The following FXR1 variants were observed in gnomAD, a reference collection of about 807,000 sequenced individuals.
The protein encoded by FXR1 is FMR1 autosomal homolog 1, also known as RNA-binding protein FXR1.
In FXR1, 15 loss-of-function variants were observed where a neutral mutation model predicts 84.0. The observed-to-expected ratio is 0.18, with a 90% confidence interval of 0.12 to 0.27. The LOEUF is 0.27. FXR1 is among the 10% of genes least tolerant of loss of function. FXR1 has a pLI of 1.00. For missense variants in FXR1, 480 were observed against 774.4 expected, an observed-to-expected ratio of 0.62 and a Z score of 4.51; for synonymous variants, 245 against 250.7, an observed-to-expected ratio of 0.98 and a Z score of 0.21.
chr3:180,963,118 T>TTTTTTTGTCA, intron 13 of FXR1, 28 bp downstream of exon 13: 1 of 901,750 alleles, frequency 1.1e-6, no homozygotes, highest in Non-Finnish European at 1.8e-6. Flanking sequence ...TTTTTTTTTT[T>TTTTTTTGTCA]TGGTAATAGT....
chr3:180,922,320 A>G (rs560999503), intron 1 of FXR1, among the ~76,000 whole-genome samples: 91 of 152,208 alleles, frequency 6.0e-4, no homozygotes, highest in Non-Finnish European at 1.2e-3. Context: ...TATCTGGGCC[A>G]GAAGTTGGCT....
chr3:180,915,968 C>T (rs553705654), intron 1 of FXR1, among the ~76,000 whole-genome samples: 28 of 152,314 alleles, frequency 1.8e-4, no homozygotes, highest in Middle Eastern at 3.4e-3. Context: ...TTGATTTGTG[C>T]ATGTTCGTAG....
intron 5 of FXR1, 35 bp from the exon 6 acceptor site, chr3:180,948,686 A>T (rs1262008322): frequency 8.8e-7 from 1 of 1,137,704 alleles, no homozygotes; most frequent in Non-Finnish European, 1.3e-6. Flanking sequence ...TTAATCTGTT[A>T]TTGAGTTCTT....
At position 180,977,290 on chromosome 3, in the gene FXR1, G is replaced by T. The variant is rs1292871365; in HGVS notation, c.*998G>T. The T allele has an allele frequency of 6.6e-6, 1 of 152,346 alleles. No individual in the cohort carries two copies. Among genetic ancestry groups the T allele is most frequent in the Admixed American group, 6.6e-5 (1 of 15,244 alleles). The allele number at this position is 152,346 out of a possible 1,614,324, so 9.4% of individuals were successfully genotyped here. A position where few individuals can be genotyped will look rare whatever the true frequency, so the allele number is the denominator to read the frequency against. On this transcript the variant is annotated 3_prime_UTR_variant, in exon 17 of 17. Transcript: ENST00000357559. The stretch of plus-strand genomic sequence containing the variant: ...GCTCATAAATAGCATTAAAATGTCA[G>T]TTGGCCATTTAATCATTTTGTAATG...
chr3:180,943,318 A>G (rs1457403068), intron 3 of FXR1, among the ~76,000 whole-genome samples: 1 of 122,756 alleles, frequency 8.1e-6, no homozygotes, highest in Non-Finnish European at 1.6e-5. Context: ...TCTGTCATCC[A>G]GGCTGGAGGG....
chr3:180,957,717 G>T, intron 9 of FXR1, 102 bp from the exon 10 acceptor site: 1 of 595,626 alleles, frequency 1.7e-6, no homozygotes, highest in Non-Finnish European at 3.0e-6. Flanking sequence ...TTCACTTGAT[G>T]GTTGTAATTT....
intron 3 of FXR1, among the ~76,000 whole-genome samples, chr3:180,938,371 T>C (rs907691910): frequency 6.6e-6 from 1 of 152,176 alleles, no homozygotes; most frequent in African/African-American, 2.4e-5. Context: ...TTTGTAAACT[T>C]GGTGGATGGA....
intron 16 of FXR1, among the ~76,000 whole-genome samples, chr3:180,975,918 A>G (rs1334749981): frequency 6.6e-6 from 1 of 152,184 alleles, no homozygotes; most frequent in Non-Finnish European, 1.5e-5. Flanking sequence ...ACTGCTAGGT[A>G]CTAGAGATAC....
intron 1 of FXR1, among the ~76,000 whole-genome samples, chr3:180,931,285 C>T (rs911833143): frequency 1.3e-5 from 2 of 151,130 alleles, no homozygotes; most frequent in African/African-American, 4.9e-5. Flanking sequence ...GTGGTGTAGC[C>T]TCGGCTCACT....
chr3:180,914,289 C>T (rs1432017829), intron 1 of FXR1, among the ~76,000 whole-genome samples: 1 of 152,132 alleles, frequency 6.6e-6, no homozygotes, highest in Non-Finnish European at 1.5e-5. Flanking sequence ...ATACAGTTCG[C>T]TGGGTAAGAC....
chr3:180,963,014 C>T lies in FXR1; in HGVS notation c.1136-14C>T, dbSNP rs1712322937. On this transcript the variant is annotated splice_polypyrimidine_tract_variant and intron_variant, in intron 12 of 16. Coordinates refer to ENST00000357559, the MANE Select transcript of FXR1 (RefSeq NM_005087.4). ...GATATGCCACTGATGAAAGTACCGTCTCTTCTGTACAAGGTTCTAGGTCTT... is the reference window on the plus strand; with the variant it reads ...GATATGCCACTGATGAAAGTACCGTTTCTTCTGTACAAGGTTCTAGGTCTT... The T allele has an allele frequency of 6.2e-7, 1 of 1,607,038 alleles. No individual in the cohort carries two copies. The highest frequency in any genetic ancestry group is 2.2e-5 in the East Asian group (1 of 44,826).
intron 14 of FXR1, among the ~76,000 whole-genome samples, chr3:180,968,956 C>T (rs12638357): frequency 1.1e-4 from 16 of 152,250 alleles, no homozygotes; most frequent in East Asian, 1.9e-4. Flanking sequence ...TTTAACATAT[C>T]ATTATGGTAT....
chr3:180,913,173 C>T (rs1241988334), intron 1 of FXR1, among the ~76,000 whole-genome samples: 1 of 152,138 alleles, frequency 6.6e-6, no homozygotes, highest in Non-Finnish European at 1.5e-5. Context: ...CCCGCTCCTC[C>T]GACCCCTCCC....
intron 5 of FXR1, 25 bp from the exon 6 acceptor site, chr3:180,948,696 T>G: frequency 8.1e-7 from 1 of 1,230,744 alleles, no homozygotes; most frequent in Non-Finnish European, 1.2e-6. Context: ...ATTGAGTTCT[T>G]ACACATAAAT....
chr3:180,930,622 A>G (rs1305737911), intron 1 of FXR1, among the ~76,000 whole-genome samples: 1 of 152,178 alleles, frequency 6.6e-6, no homozygotes. Flanking sequence ...GAGATGCTTT[A>G]CTAATATTCA....
At position 180,975,510 on chromosome 3, in the gene FXR1, G is replaced by C. The variant is rs1714126285; in HGVS notation, c.1695+106G>C. 7 of 500,192 alleles carry C rather than the reference G, an allele frequency of 1.4e-5. No homozygotes were observed. In the South Asian group the frequency reaches 1.7e-4, roughly 12 times the overall value. 31.0% of individuals were successfully genotyped at this position (500,192 alleles called of 1,614,324 possible). ...GTGTGATCACTTGTTTCCACAAATAGACAATACTATTTTAGTTAAAGACTC... is the reference window on the plus strand; with the variant it reads ...GTGTGATCACTTGTTTCCACAAATACACAATACTATTTTAGTTAAAGACTC... On this transcript the variant is annotated intron_variant, in intron 16 of 16. Coordinates refer to ENST00000357559, the MANE Select transcript of FXR1 (RefSeq NM_005087.4).
intron 2 of FXR1, among the ~76,000 whole-genome samples, chr3:180,933,812 G>C (rs1458946922): frequency 6.6e-6 from 1 of 151,950 alleles, no homozygotes; most frequent in Non-Finnish European, 1.5e-5. Flanking sequence ...GTTAGGAAGG[G>C]CTATAAAAGA....
At chr3:180,936,845 ATGGCAG>A (rs903192285) in intron 3 of FXR1, among the ~76,000 whole-genome samples, 10 of 152,222 alleles carry the variant, frequency 6.6e-5, no homozygotes, top group African/African-American at 2.4e-4. Flanking sequence ...GAATTTTTAA[ATGGCAG>A]TAAGTTAAGA....
At chr3:180,970,381 GAAAT>G (rs747510213) in intron 15 of FXR1, 23 bp downstream of exon 15, 4 of 474,550 alleles carry the variant, frequency 8.4e-6, no homozygotes, top group Non-Finnish European at 1.2e-5. Flanking sequence ...TTAGGGAAGA[GAAAT>G]ATATATATAT....
Sources: allele counts gnomAD v4.1 joint callset (sites outside exome capture counted in the v4.1 genomes callset), GRCh38; gene constraint gnomAD v4.1.1; transcripts MANE v1.5; gene names NCBI Gene and HGNC (gene_info 2026-07-23, HGNC 2026-07-21).